NACAD: variants seen among roughly 807,000 people sequenced by gnomAD.
The protein encoded by NACAD is NAC alpha domain containing.
Under a neutral mutation model 98.9 loss-of-function variants are expected in NACAD, and 47 were observed. The ratio of observed to expected loss-of-function variants is 0.48; its 90% confidence interval spans 0.38 to 0.61. The LOEUF (loss-of-function observed/expected upper bound fraction) is 0.61. NACAD is among the 20% of genes least tolerant of loss of function. NACAD has a pLI of 0.00. For synonymous variants in NACAD, 696 were observed against 767.2 expected (o/e 0.91, Z 1.53); for missense variants, 1,412 against 1,748.2 (o/e 0.81, Z 3.43).
chr7:45,081,451 T>A, intron 4 of NACAD, 150 bp downstream of exon 4: 1 of 1,246,608 alleles, frequency 8.0e-7, no homozygotes, highest in Non-Finnish European at 1.1e-6. Flanking sequence ...CCTCAGCTGT[T>A]TAGGGGAAGG....
At position 45,081,952 on chromosome 7, in the gene NACAD, TCAGGGCCAGAGGAAG is replaced by T. The variant is rs991038396; in HGVS notation, c.4073-100_4073-86del. On this transcript the variant is annotated intron_variant, in intron 2 of 7. Transcript: ENST00000490531. Reference sequence around the variant, plus strand: ...TCAGGACCCTGGCCCTGCTGCCACATCAGGGCCAGAGGAAGCAGTGCCAGCTCTCCATGGTGGCTG... The same window carrying T: ...TCAGGACCCTGGCCCTGCTGCCACATCAGTGCCAGCTCTCCATGGTGGCTG... 7 of 1,447,366 alleles carry T rather than the reference TCAGGGCCAGAGGAAG, an allele frequency of 4.8e-6. No homozygotes were observed. In the African/African-American group the frequency reaches 8.5e-5, roughly 17 times the overall value. The allele number at this position is 1,447,366 out of a possible 1,614,324, so 89.7% of individuals were successfully genotyped here.
intron 1 of NACAD, among the ~76,000 whole-genome samples, chr7:45,087,166 G>A (rs553536064): frequency 2.6e-4 from 39 of 152,294 alleles, no homozygotes; most frequent in African/African-American, 9.4e-4. Flanking sequence ...CCCCTCCGAG[G>A]TTGCGGCACA....
chr7:45,087,038 G>C (rs1784531710), intron 1 of NACAD, among the ~76,000 whole-genome samples: 1 of 152,170 alleles, frequency 6.6e-6, no homozygotes, highest in African/African-American at 2.4e-5. Context: ...GTATGAGGAG[G>C]CTCTGGTACT....
chr7:45,080,853 G>A (rs747781859), intron 6 of NACAD, 23 bp downstream of exon 6: 2 of 1,552,164 alleles, frequency 1.3e-6, no homozygotes, highest in Non-Finnish European at 1.7e-6. Context: ...CCCCTGCGAG[G>A]CCCTGGAGCC....
chr7:45,081,058 G>GT (rs559811028), intron 5 of NACAD, 36 bp from the exon 6 acceptor site: 6 of 1,550,826 alleles, frequency 3.9e-6, no homozygotes, highest in South Asian at 1.2e-5. Context: ...AGTAGAGCCT[G>GT]TCCCCCCCTT....
At chr7:45,086,357 T>C (rs1784523099) in intron 1 of NACAD, among the ~76,000 whole-genome samples, 1 of 152,170 alleles carries the variant, frequency 6.6e-6, no homozygotes, top group African/African-American at 2.4e-5. Context: ...CTGGGAGTCA[T>C]GAACAGACCT....
chr7:45,084,679 TG>T lies in NACAD; in HGVS notation c.1500del (p.Arg501GlufsTer2). On this transcript the variant is annotated frameshift_variant, in exon 2 of 8. Coordinates refer to ENST00000490531, the MANE Select transcript of NACAD (RefSeq NM_001146334.2). LOFTEE classifies it high-confidence loss of function. ...TCCTCCCCAGCCTGTGGGGTCACTC[TG>T]GTAGCCACCTCCACCTGGAGGCCTG... ...VAPGLQVEVA[T>X]RVTPQAGEEE... 1 of 1,551,030 alleles carries T rather than the reference TG, an allele frequency of 6.4e-7. No individual in the cohort carries two copies. Among genetic ancestry groups the T allele is most frequent in the Non-Finnish European group, 8.7e-7 (1 of 1,146,792 alleles).
At position 45,080,990 on chromosome 7, in the gene NACAD, G is replaced by A. The variant is rs1383651323; in HGVS notation, c.4437C>T (p.Ala1479=). Residue 1479 remains alanine (A), a synonymous_variant, in exon 6 of 8, where the codon GCC becomes GCT. Transcript: ENST00000490531. ...AGGGCACCTTAAACTTCTCAGCTGC[G>A]GCTTTGTGCACTTGCTGGGACAGGT... The part of the protein sequence containing the change: ...IEDLSQQVHK[A]AAEKFKVPSE... 10 of 1,551,796 alleles carry A rather than the reference G, an allele frequency of 6.4e-6. No homozygotes were observed. The highest frequency in any genetic ancestry group is 1.2e-5 in the South Asian group (1 of 84,070).
At position 45,082,509 on chromosome 7, in the gene NACAD, G is replaced by A; in HGVS notation, c.3671C>T (p.Pro1224Leu). ...AGGAGCAGAAGGGTCAGGGCCCAGG[G>A]GCCTGTCCACGGGCGTGCTGGGCTG... Reference protein sequence around the residue: ...KGQPSTPVDRPLGPDPSAPGT... With the variant: ...KGQPSTPVDRLLGPDPSAPGT... Residue 1224 changes from proline to leucine, a missense_variant, in exon 2 of 8, where the codon CCC becomes CTC. Physicochemically the swap from Pro to Leu is moderately conservative, Grantham distance 98 (BLOSUM62 -3). Coordinates refer to ENST00000490531, the MANE Select transcript of NACAD (RefSeq NM_001146334.2). The surrounding 1 kb of genome is among the most constrained non-coding windows in gnomAD (Gnocchi z 4.5). 6.5e-7 allele frequency: 1 copy of A among 1,549,732 alleles called. No homozygotes were observed. The highest frequency in any genetic ancestry group is 8.7e-7 in the Non-Finnish European group (1 of 1,146,846).
intron 1 of NACAD, among the ~76,000 whole-genome samples, chr7:45,087,233 G>A (rs1209290644): frequency 6.6e-6 from 1 of 152,172 alleles, no homozygotes; most frequent in African/African-American, 2.4e-5. Context: ...TTTTATCACA[G>A]GCGAGATCAC....
rs1784497480 is a variant in NACAD at position 45,085,177 on chromosome 7, C to T, written c.1003G>A (p.Glu335Lys). 6.4e-7 allele frequency: 1 copy of T among 1,550,842 alleles called. No homozygotes were observed. The highest frequency in any genetic ancestry group is 1.2e-5 in the South Asian group (1 of 84,020). Residue 335 changes from glutamate (E) to lysine (K), a missense_variant, in exon 2 of 8, where the codon GAA (glutamate) becomes AAA (lysine). This residue lies in a region of NACAD where 638 missense variants were observed against 722.7 expected (regional missense o/e 0.88). Coordinates refer to ENST00000490531, the MANE Select transcript of NACAD (RefSeq NM_001146334.2). The surrounding 1 kb of genome is among the most constrained non-coding windows in gnomAD (Gnocchi z 6.1). ...EVTPLSPEEE[E>K]EEAVADPDPG... ...TCGGGATCCGCCACAGCCTCCTCTTCTTCTTCCTCTGGGGATAGCGGTGTC... is the reference window on the plus strand; with the variant it reads ...TCGGGATCCGCCACAGCCTCCTCTTTTTCTTCCTCTGGGGATAGCGGTGTC...
chr7:45,083,299 C>T lies in NACAD; in HGVS notation c.2881G>A (p.Val961Met), dbSNP rs143697186. 4.1e-4 allele frequency: 641 copies of T among 1,551,190 alleles called. No homozygotes were observed. The African/African-American group carries it at 7.8e-3, about 19-fold the overall frequency. ...ACTTCCTGCTGAGCCATGGTGGCCA[C>T]AGGCTCTGTCCCTGGGGCACAGCCT... ...EAGCAPGTEP[V>M]ATMAQQEVGE... Residue 961 changes from valine (V) to methionine (M), a missense_variant, in exon 2 of 8, where the codon GTG (valine) becomes ATG (methionine). This residue lies in a region of NACAD where 572 missense variants were observed against 639.6 expected (regional missense o/e 0.89). Coordinates refer to ENST00000490531, the MANE Select transcript of NACAD (RefSeq NM_001146334.2).
At position 45,080,879 on chromosome 7, in the gene NACAD, TTCCTCC is replaced by T. The variant is rs766770999; in HGVS notation, c.4542_4547del (p.Glu1516_Glu1517del). The T allele has an allele frequency of 6.4e-6, 10 of 1,556,244 alleles. No individual in the cohort carries two copies. The highest frequency in any genetic ancestry group is 1.2e-5 in the South Asian group (1 of 84,474). ...CCCTGGAGCCCCTGCACTTCACCTC[TTCCTCC>T]TCCTCCTCTTCCTCTTCCTTGCACT... is the stretch of plus-strand genomic sequence containing the variant. On this transcript the variant is annotated inframe_deletion, in exon 6 of 8. Coordinates refer to ENST00000490531, the MANE Select transcript of NACAD (RefSeq NM_001146334.2).
Position 45,080,781 on chromosome 7 carries a change from G to C in NACAD, c.4552-19C>G. 6.4e-7 allele frequency: 1 copy of C among 1,550,430 alleles called. No homozygotes were observed. The highest frequency in any genetic ancestry group is 8.7e-7 in the Non-Finnish European group (1 of 1,146,960). ...CGTCCACCTGGAGTTGGGGGAGCAG[G>C]GAAGTGGCTGGAGCTGCTTGAGGTC... is the stretch of plus-strand genomic sequence containing the variant. On this transcript the variant is annotated intron_variant, in intron 6 of 7. Transcript: ENST00000490531.
rs1337457219 is a variant in NACAD at position 45,080,538 on chromosome 7, G to A, written c.4675-15C>T. On this transcript the variant is annotated splice_polypyrimidine_tract_variant and intron_variant, in intron 7 of 7. Coordinates refer to ENST00000490531, the MANE Select transcript of NACAD (RefSeq NM_001146334.2). The stretch of plus-strand genomic sequence containing the variant: ...ATGGTCAGTTCCTGCAGAAAGAGAT[G>A]GTCATGTTGGGGGAAGCACCCCGCA... 7.1e-6 allele frequency: 11 copies of A among 1,551,424 alleles called. No homozygotes were observed. Among genetic ancestry groups the A allele is most frequent in the Middle Eastern group, 1.7e-4 (1 of 5,988 alleles).
Position 45,081,736 on chromosome 7 carries a change from T to G in NACAD, c.4185+19A>C. 1 of 1,551,120 alleles carries G rather than the reference T, an allele frequency of 6.4e-7. No homozygotes were observed. Among genetic ancestry groups the G allele is most frequent in the Non-Finnish European group, 8.7e-7 (1 of 1,146,876 alleles). The stretch of plus-strand genomic sequence containing the variant: ...GTGGGGCCCTCCCAGAGGCCCACCC[T>G]CTTCCCTGGACTGGGCACCTGGGCT... On this transcript the variant is annotated intron_variant, in intron 3 of 7. Coordinates refer to ENST00000490531, the MANE Select transcript of NACAD (RefSeq NM_001146334.2).
rs1299856106 is a variant in NACAD at position 45,084,418 on chromosome 7, T to C, written c.1762A>G (p.Arg588Gly). ...KPVAAATIVP[R>G]QAKEDLTLPQ... ...AAGGTGAGGTCCTCTTTAGCCTGCC[T>C]GGGGACAATCGTGGCTGCAGCTACA... Residue 588 changes from arginine to glycine, a missense_variant, in exon 2 of 8, where the codon AGG (arginine) becomes GGG (glycine). Around this residue, in one of 5 missense-constraint regions of NACAD, gnomAD observed 72 missense variants for 198.0 expected, o/e 0.36. Coordinates refer to ENST00000490531, the MANE Select transcript of NACAD (RefSeq NM_001146334.2). 2 of 1,543,692 alleles carry C rather than the reference T, an allele frequency of 1.3e-6. No homozygotes were observed. The highest frequency in any genetic ancestry group is 1.8e-6 in the Non-Finnish European group (2 of 1,140,824).
Position 45,088,937 on chromosome 7 carries a change from T to A in NACAD, c.-43A>T. On this transcript the variant is annotated 5_prime_UTR_variant, in exon 1 of 8. Coordinates refer to ENST00000490531, the MANE Select transcript of NACAD (RefSeq NM_001146334.2). The surrounding 1 kb of genome is among the most constrained non-coding windows in gnomAD (Gnocchi z 5.7). ...GCCCGTCCCTCAGTCCTTCCGACCC[T>A]CCGTCAGTCCGTGCCGCCGCCCCGC... 7.8e-7 allele frequency: 1 copy of A among 1,289,192 alleles called. No homozygotes were observed. Among genetic ancestry groups the A allele is most frequent in the Non-Finnish European group, 9.8e-7 (1 of 1,017,614 alleles). 79.9% of individuals were successfully genotyped at this position (1,289,192 alleles called of 1,614,324 possible).
In NACAD at chr7:45,085,646, G is replaced by A. The variant is rs1784509469; in HGVS notation, c.534C>T (p.Ser178=). The A allele has an allele frequency of 3.9e-6, 6 of 1,548,348 alleles. No individual in the cohort carries two copies. In the South Asian group the frequency reaches 4.8e-5, roughly 12 times the overall value. ...GGGCATAGGTGGTCTTGGTGGGGGTGGAGGGAGGCGTGAAGAAGGAATCAG... is the reference window on the plus strand; with the variant it reads ...GGGCATAGGTGGTCTTGGTGGGGGTAGAGGGAGGCGTGAAGAAGGAATCAG... The part of the protein sequence containing the change: ...PDPDSFFTPP[S]TPTKTTYALL... Residue 178 remains serine (S), a synonymous_variant, in exon 2 of 8, where the codon TCC becomes TCT. Transcript: ENST00000490531. This position sits in a 1 kb window ranked among gnomAD's most constrained non-coding sequence, Gnocchi z 6.1.
Sources: allele counts gnomAD v4.1 joint callset (sites outside exome capture counted in the v4.1 genomes callset), GRCh38; gene constraint gnomAD v4.1.1; regional missense constraint gnomAD v4.1.1; non-coding constraint Gnocchi (gnomAD v3.1); transcripts MANE v1.5; gene names NCBI Gene and HGNC (gene_info 2026-07-23, HGNC 2026-07-21).